ULK4: variants seen among roughly 807,000 people sequenced by gnomAD.
The protein encoded by ULK4 is inactive serine/threonine-protein kinase ULK4.
In ULK4, 133 loss-of-function variants were observed where a neutral mutation model predicts 160.6. The ratio of observed to expected loss-of-function variants is 0.83; its 90% CI spans 0.72 to 0.96. The LOEUF (loss-of-function observed/expected upper bound fraction) is 0.96, where lower values mean the gene tolerates loss of function less well. Ranked by LOEUF, ULK4 falls within the 40% of genes least tolerant of loss-of-function variation. The pLI is 0.00. For synonymous variants in ULK4, 534 were observed against 539.8 expected (o/e 0.99, Z 0.15); for missense variants, 1,580 against 1,499.5 (o/e 1.05, Z -0.89).
At chr3:41,877,142 G>T (rs1697334385) in intron 17 of ULK4, among the ~76,000 whole-genome samples, 1 of 152,048 alleles carries the variant, frequency 6.6e-6, no homozygotes, top group African/African-American at 2.4e-5. Flanking sequence ...ACAAAGTGAA[G>T]AATTATATAA....
At chr3:41,378,850 T>G (rs912909548) in intron 35 of ULK4, among the ~76,000 whole-genome samples, 1 of 147,736 alleles carries the variant, frequency 6.8e-6, no homozygotes, top group African/African-American at 2.5e-5. Flanking sequence ...TGTGGCACAT[T>G]TACACCATGG....
At position 41,391,148 on chromosome 3, in the gene ULK4, T is replaced by G. The variant is rs1051562717; in HGVS notation, c.3678+6931A>C. On this transcript the variant is annotated intron_variant, in intron 35 of 36. Transcript: ENST00000301831. ...TTGTTGGACAGATACAACAAAATCA[T>G]TCAAAAAGTTCCCAAATTAACTTGC... 1.5e-4 allele frequency among the ~76,000 whole-genome samples: 23 copies of G among 152,108 alleles called. 1 individual carries two copies. The highest frequency in any genetic ancestry group is 4.1e-4 in the African/African-American group (17 of 41,440).
chr3:41,742,168 G>A (rs1317462380), intron 22 of ULK4, among the ~76,000 whole-genome samples: 2 of 151,850 alleles, frequency 1.3e-5, no homozygotes, highest in Admixed American at 6.6e-5. Flanking sequence ...CACCCCCAGG[G>A]AAACAGGTGG....
intron 21 of ULK4, among the ~76,000 whole-genome samples, chr3:41,781,022 A>G (rs376935600): frequency 6.7e-6 from 1 of 150,260 alleles, no homozygotes; most frequent in African/African-American, 2.5e-5. Context: ...TAGAGGCAGA[A>G]AGAGAGATTT....
intron 29 of ULK4, among the ~76,000 whole-genome samples, chr3:41,670,930 G>A (rs1228484683): frequency 6.6e-6 from 1 of 151,990 alleles, no homozygotes; most frequent in Non-Finnish European, 1.5e-5. Context: ...TTACATTTCG[G>A]TAGTTTGTAA....
intron 17 of ULK4, among the ~76,000 whole-genome samples, chr3:41,874,644 G>A (rs1210512785): frequency 5.3e-5 from 8 of 152,216 alleles, no homozygotes; most frequent in Admixed American, 1.3e-4. Context: ...AATTATAAGC[G>A]GGAGCTAAGC....
intron 30 of ULK4, among the ~76,000 whole-genome samples, chr3:41,652,893 T>A: frequency 6.6e-6 from 1 of 152,172 alleles, no homozygotes; most frequent in East Asian, 1.9e-4. Context: ...AACCCAAAAT[T>A]TGATCTTGCT....
At chr3:41,256,331 C>T (rs537119620) in intron 35 of ULK4, among the ~76,000 whole-genome samples, 4 of 152,282 alleles carry the variant, frequency 2.6e-5, no homozygotes, top group African/African-American at 7.2e-5. Context: ...TACTACCCAA[C>T]TTTAAGAGGC....
intron 17 of ULK4, among the ~76,000 whole-genome samples, chr3:41,858,153 T>TG (rs1559612394): frequency 1.2e-4 from 15 of 125,250 alleles, no homozygotes; most frequent in African/African-American, 5.6e-4. Flanking sequence ...GTTTGTTTTT[T>TG]TTTTTTTTTT....
rs567472468 is a variant in ULK4 at position 41,613,719 on chromosome 3, T to C, written c.3120+1950A>G. Among the ~76,000 whole-genome samples, 6 of 152,366 alleles carry C rather than the reference T, an allele frequency of 3.9e-5. No homozygotes were observed. The South Asian group carries it at 1.2e-3, about 32-fold the overall frequency. On this transcript the variant is annotated intron_variant, in intron 31 of 36. Coordinates refer to ENST00000301831, the MANE Select transcript of ULK4 (RefSeq NM_017886.4). ...CAAAAGTAGAATAGGAATTTAATAATGTTCTTCAAGGACATCAAACTCCTG... is the reference window on the plus strand; with the variant it reads ...CAAAAGTAGAATAGGAATTTAATAACGTTCTTCAAGGACATCAAACTCCTG...
intron 18 of ULK4, among the ~76,000 whole-genome samples, chr3:41,823,192 G>A (rs1374864776): frequency 2.6e-5 from 4 of 152,156 alleles, no homozygotes; most frequent in Admixed American, 2.6e-4. Flanking sequence ...TGAGCACACA[G>A]AAAATACAAA....
rs1328268307 is a variant in ULK4, at chr3:41,915,558, G to A, written c.803+419C>T. On this transcript the variant is annotated intron_variant, in intron 8 of 36. Coordinates refer to ENST00000301831, the MANE Select transcript of ULK4 (RefSeq NM_017886.4). Reference sequence around the variant, plus strand: ...TTAATAGCCCCATTATGACAGGAGTGTCATAAAACCTGTTTTTATGACACT... The same window carrying A: ...TTAATAGCCCCATTATGACAGGAGTATCATAAAACCTGTTTTTATGACACT... 2.5e-5 allele frequency: 4 copies of A among 162,560 alleles called. No homozygotes were observed. The Admixed American group carries it at 2.6e-4, about 11-fold the overall frequency. The allele number at this position is 162,560 out of a possible 1,614,324, so 10.1% of individuals were successfully genotyped here. A position where few individuals can be genotyped will look rare whatever the true frequency, so the allele number is the denominator to read the frequency against.
chr3:41,919,858 G>A (rs1048404861), intron 5 of ULK4, 40 bp from the exon 6 acceptor site: 3 of 1,460,124 alleles, frequency 2.1e-6, no homozygotes, highest in South Asian at 2.4e-5. Context: ...TTAGGCATTT[G>A]TATTGCTGCC....
At chr3:41,338,863 G>C (rs2080622330) in intron 35 of ULK4, among the ~76,000 whole-genome samples, 1 of 151,820 alleles carries the variant, frequency 6.6e-6, no homozygotes, top group African/African-American at 2.4e-5. Context: ...AGAAGATCAA[G>C]GGCAGACTGA....
At chr3:41,845,680 T>G (rs1379179065) in intron 17 of ULK4, among the ~76,000 whole-genome samples, 1 of 152,172 alleles carries the variant, frequency 6.6e-6, no homozygotes, top group African/African-American at 2.4e-5. Context: ...GAAAACTGGA[T>G]GAAGTATACA....
chr3:41,428,293 C>T lies in ULK4; in HGVS notation c.3492+27204G>A, dbSNP rs930175683. Among the ~76,000 whole-genome samples the T allele has an allele frequency of 3.9e-5, 6 of 152,156 alleles. No individual in the cohort carries two copies. In the South Asian group the frequency reaches 8.3e-4, roughly 21 times the overall value. On this transcript the variant is annotated intron_variant, in intron 34 of 36. Transcript: ENST00000301831. Reference sequence around the variant, plus strand: ...GGACATAAACAGATGGAAAAACATTCCATGCTCATGGATATGAAGAATAAA... The same window carrying T: ...GGACATAAACAGATGGAAAAACATTTCATGCTCATGGATATGAAGAATAAA...
intron 35 of ULK4, among the ~76,000 whole-genome samples, chr3:41,391,511 G>A (rs1054080361): frequency 4.6e-5 from 7 of 151,752 alleles, no homozygotes; most frequent in Admixed American, 4.6e-4. Context: ...ATACCTCAAG[G>A]AATATTTCTT....
intron 30 of ULK4, among the ~76,000 whole-genome samples, chr3:41,650,405 A>C (rs906109395): frequency 1.3e-5 from 2 of 152,210 alleles, no homozygotes; most frequent in African/African-American, 4.8e-5. Flanking sequence ...CAGGGCTGTG[A>C]TACCCTCCTT....
intron 35 of ULK4, among the ~76,000 whole-genome samples, chr3:41,313,353 T>TG (rs1336480826): frequency 6.6e-6 from 1 of 152,240 alleles, no homozygotes; most frequent in Non-Finnish European, 1.5e-5. Flanking sequence ...AATCAGTCCA[T>TG]GGCAATAAAA....
Sources: gnomAD v4.1 joint callset for allele counts (sites outside exome capture counted in the v4.1 genomes callset) on GRCh38, gnomAD v4.1.1 for gene constraint, MANE v1.5 for transcripts, NCBI Gene and HGNC (gene_info 2026-07-23, HGNC 2026-07-21) for gene names.